Variants in PRKACB observed in about 807,000 individuals in gnomAD.
PRKACB encodes the protein protein kinase cAMP-activated catalytic subunit beta, also known as cAMP-dependent protein kinase catalytic subunit beta.
A neutral mutation model predicts 51.4 loss-of-function variants in PRKACB; 16 were observed. The ratio of observed to expected loss-of-function variants is 0.31; its 90% confidence interval spans 0.21 to 0.47. PRKACB has a LOEUF of 0.47. Ranked by LOEUF, PRKACB falls within the 20% of genes least tolerant of loss-of-function variation. The probability of loss-of-function intolerance (pLI) is 1.00; values close to 1 mark genes in which losing one functional copy is unlikely to be tolerated. For missense variants in PRKACB, 309 were observed against 464.5 expected, an observed-to-expected ratio of 0.67 and a Z score of 3.08; for synonymous variants, 147 against 154.4, an observed-to-expected ratio of 0.95 and a Z score of 0.35.
Position 84,176,535 on chromosome 1 carries a change from A to G in PRKACB, c.188-2642A>G, listed in dbSNP as rs1661320429. Among the ~76,000 whole-genome samples the G allele has an allele frequency of 2.6e-5, 4 of 151,830 alleles. No homozygotes were observed. In the South Asian group the frequency reaches 8.3e-4, roughly 31 times the overall value. On this transcript the variant is annotated intron_variant, in intron 1 of 9. Coordinates refer to ENST00000370685, the MANE Select transcript of PRKACB (RefSeq NM_182948.4). The stretch of plus-strand genomic sequence containing the variant: ...TTAACTTATATTTTTACAAATAATT[A>G]TGTTTATCTTTGCATCTACATAGTA...
chr1:84,106,177 T>A (rs144630803), intron 1 of PRKACB, among the ~76,000 whole-genome samples: 4 of 152,064 alleles, frequency 2.6e-5, no homozygotes, highest in African/African-American at 9.7e-5. Context: ...CTCCCATGGA[T>A]ACCAAGGGGT....
At chr1:84,125,856 A>T (rs2100906946) in intron 1 of PRKACB, among the ~76,000 whole-genome samples, 1 of 152,272 alleles carries the variant, frequency 6.6e-6, no homozygotes, top group East Asian at 1.9e-4. Context: ...GTCCAATAGA[A>T]TTTTTTATTA....
At chr1:84,177,616 T>A (rs1229348249) in intron 1 of PRKACB, among the ~76,000 whole-genome samples, 2 of 151,782 alleles carry the variant, frequency 1.3e-5, no homozygotes, top group East Asian at 3.9e-4. Flanking sequence ...GTGGTGCACA[T>A]CTGTAGTCCC....
intron 8 of PRKACB, among the ~76,000 whole-genome samples, chr1:84,203,597 C>T (rs999916729): frequency 2.0e-5 from 3 of 151,878 alleles, no homozygotes; most frequent in African/African-American, 4.8e-5. Flanking sequence ...TTTAAACATT[C>T]CCAGAAGGAG....
intron 5 of PRKACB, 53 bp downstream of exon 5, chr1:84,185,235 C>T (rs1664737347): frequency 1.5e-6 from 2 of 1,335,716 alleles, no homozygotes; most frequent in Admixed American, 2.8e-5. Context: ...GTTGTTTAAC[C>T]AGATTTTTAA....
intron 9 of PRKACB, among the ~76,000 whole-genome samples, chr1:84,228,389 C>T (rs992327086): frequency 3.3e-5 from 5 of 152,148 alleles, no homozygotes; most frequent in African/African-American, 7.2e-5. Context: ...TTTGGTCAAT[C>T]GACTCTTTTA....
At chr1:84,135,242 T>C (rs1199698005) in intron 1 of PRKACB, among the ~76,000 whole-genome samples, 1 of 152,160 alleles carries the variant, frequency 6.6e-6, no homozygotes, top group Non-Finnish European at 1.5e-5. Context: ...CAATCCTAAA[T>C]ATATGAACTT....
chr1:84,232,016 G>A (rs11487941), intron 9 of PRKACB, among the ~76,000 whole-genome samples: 26,342 of 150,878 alleles, frequency 0.17, 4,150 homozygotes, highest in African/African-American at 0.4. Context: ...TGATGTTAGG[G>A]TGTCAATTTT....
chr1:84,084,833 A>G (rs571194258), intron 1 of PRKACB, among the ~76,000 whole-genome samples: 36 of 152,216 alleles, frequency 2.4e-4, no homozygotes, highest in Middle Eastern at 3.4e-3. Flanking sequence ...AACTCGGGAT[A>G]CCCGTGGCAT....
intron 9 of PRKACB, among the ~76,000 whole-genome samples, chr1:84,219,107 G>C (rs184624422): frequency 6.6e-6 from 1 of 152,084 alleles, no homozygotes; most frequent in Non-Finnish European, 1.5e-5. Context: ...TTACTCTTTT[G>C]AATGTCTCCT....
At chr1:84,179,320 T>C (rs1662422264) in intron 2 of PRKACB, 82 bp downstream of exon 2, 1 of 1,403,428 alleles carries the variant, frequency 7.1e-7, no homozygotes, top group Admixed American at 2.7e-5. Context: ...TTTATTACTT[T>C]AGAAATTTTA....
chr1:84,215,533 A>G (rs1672758300), intron 9 of PRKACB, among the ~76,000 whole-genome samples: 1 of 152,234 alleles, frequency 6.6e-6, no homozygotes, highest in Non-Finnish European at 1.5e-5. Flanking sequence ...AAATTCAGGC[A>G]ACTTGAAGAC....
rs1420329481 is a variant in PRKACB at position 84,237,273 on chromosome 1, A to T, written c.*1968A>T. 1 of 152,604 alleles carries T rather than the reference A, an allele frequency of 6.6e-6. No homozygotes were observed. Among genetic ancestry groups the T allele is most frequent in the Non-Finnish European group, 1.5e-5 (1 of 68,012 alleles). 9.5% of individuals were successfully genotyped at this position (152,604 alleles called of 1,614,324 possible). A position where few individuals can be genotyped will look rare whatever the true frequency, so the allele number is the denominator to read the frequency against. On this transcript the variant is annotated 3_prime_UTR_variant, in exon 10 of 10. Coordinates refer to ENST00000370685, the MANE Select transcript of PRKACB (RefSeq NM_182948.4). ...TTTTCTTGTATTTCATTTAGACCCA[A>T]GAACATGCTGACCAATGTGTTCTAT...
At chr1:84,229,886 T>C (rs1216765038) in intron 9 of PRKACB, among the ~76,000 whole-genome samples, 1 of 152,166 alleles carries the variant, frequency 6.6e-6, no homozygotes, top group Non-Finnish European at 1.5e-5. Context: ...GTAGGTTGCC[T>C]GTTCACTCTG....
intron 3 of PRKACB, among the ~76,000 whole-genome samples, chr1:84,183,699 C>T (rs1040456611): frequency 2.6e-5 from 4 of 151,624 alleles, no homozygotes; most frequent in African/African-American, 4.8e-5. Flanking sequence ...TTTATTTAAG[C>T]ATAATTGACA....
At chr1:84,233,493 A>G (rs1346922934) in intron 9 of PRKACB, among the ~76,000 whole-genome samples, 4 of 126,234 alleles carry the variant, frequency 3.2e-5, no homozygotes, top group East Asian at 4.5e-4. Flanking sequence ...CTCCTGGATA[A>G]TATCCTGCAG....
At chr1:84,154,644 A>T (rs748382434) in intron 1 of PRKACB, among the ~76,000 whole-genome samples, 1 of 152,190 alleles carries the variant, frequency 6.6e-6, no homozygotes, top group African/African-American at 2.4e-5. Flanking sequence ...CCTGATGAAC[A>T]TAGATGCAAA....
intron 5 of PRKACB, among the ~76,000 whole-genome samples, chr1:84,187,542 T>G (rs1558179575): frequency 6.6e-6 from 1 of 152,152 alleles, no homozygotes; most frequent in Non-Finnish European, 1.5e-5. Flanking sequence ...ACATCAGGCA[T>G]GAGACTTGTT....
intron 1 of PRKACB, among the ~76,000 whole-genome samples, chr1:84,167,166 A>G (rs1657772284): frequency 6.6e-6 from 1 of 151,574 alleles, no homozygotes; most frequent in South Asian, 2.1e-4. Context: ...TAATAACTGC[A>G]TTACTGGTCT....
Sources: allele counts gnomAD v4.1 joint callset (sites outside exome capture counted in the v4.1 genomes callset), GRCh38; gene constraint gnomAD v4.1.1; transcripts MANE v1.5; gene names NCBI Gene and HGNC (gene_info 2026-07-23, HGNC 2026-07-21).